Variants in PDE1C observed in about 807,000 individuals in gnomAD.
The protein encoded by PDE1C is dual specificity calcium/calmodulin-dependent 3',5'-cyclic nucleotide phosphodiesterase 1C.
In PDE1C, 62 loss-of-function variants were observed where a neutral mutation model predicts 93.1. The ratio of observed to expected loss-of-function variants is 0.67; its 90% confidence interval spans 0.54 to 0.82. The LOEUF (loss-of-function observed/expected upper bound fraction) is 0.82. PDE1C is among the 40% of genes least tolerant of loss of function. PDE1C has a pLI of 0.00. For synonymous variants in PDE1C, 325 were observed against 310.1 expected, an observed-to-expected ratio of 1.05 and a Z score of -0.50; for missense variants, 742 against 884.6, an observed-to-expected ratio of 0.84 and a Z score of 2.04.
the PDE1C span, among the ~76,000 whole-genome samples, chr7:31,715,152 C>A: frequency 2.0e-4 from 31 of 152,040 alleles, no homozygotes; most frequent in African/African-American, 6.8e-4. Context: ...CAATTGTAAT[C>A]ATTTGTGGAA....
chr7:32,250,048 C>A (rs10271047), intron 1 of PDE1C, among the ~76,000 whole-genome samples: 20,971 of 152,160 alleles, frequency 0.14, 1,727 homozygotes, highest in African/African-American at 0.21. Flanking sequence ...GCCACTCCAC[C>A]ATATGCAGAG....
intron 14 of PDE1C, chr7:31,820,797 C>T (rs1307196499): frequency 2.0e-5 from 3 of 152,062 alleles, no homozygotes; most frequent in Admixed American, 6.6e-5. Flanking sequence ...TTTTCACCAC[C>T]ACCTTAACTT....
the PDE1C span, among the ~76,000 whole-genome samples, chr7:31,743,918 C>T: frequency 7.2e-5 from 11 of 152,062 alleles, no homozygotes; most frequent in Non-Finnish European, 1.0e-4. Context: ...TATCTCCAGG[C>T]TCAAGTGGGC....
chr7:32,033,307 T>C (rs1410639077), intron 2 of PDE1C, among the ~76,000 whole-genome samples: 1 of 152,080 alleles, frequency 6.6e-6, no homozygotes, highest in African/African-American at 2.4e-5. Context: ...TACAGCTTAA[T>C]CTTCCTCACC....
At chr7:32,316,123 T>C (rs1444934575) in intron 1 of PDE1C, among the ~76,000 whole-genome samples, 1 of 152,248 alleles carries the variant, frequency 6.6e-6, no homozygotes, top group Non-Finnish European at 1.5e-5. Context: ...GTGTCCGTTT[T>C]GACCATTGAT....
chr7:31,913,437 T>C (rs1355359474), intron 2 of PDE1C, among the ~76,000 whole-genome samples: 2 of 151,760 alleles, frequency 1.3e-5, no homozygotes, highest in South Asian at 2.1e-4. Flanking sequence ...ATGAATTGTG[T>C]CCTATTTGGG....
At chr7:31,934,027 A>T (rs1425094548) in intron 2 of PDE1C, among the ~76,000 whole-genome samples, 1 of 152,224 alleles carries the variant, frequency 6.6e-6, no homozygotes, top group Non-Finnish European at 1.5e-5. Context: ...AACATGCGCT[A>T]TTCCACTTCA....
chr7:32,007,992 ATGT>A (rs1786511773), intron 2 of PDE1C, among the ~76,000 whole-genome samples: 2 of 152,234 alleles, frequency 1.3e-5, no homozygotes, highest in African/African-American at 4.8e-5. Context: ...AGTGGTAAAA[ATGT>A]TTATCTACAA....
At chr7:32,039,367 AG>A (rs1249337494) in intron 2 of PDE1C, among the ~76,000 whole-genome samples, 1 of 152,222 alleles carries the variant, frequency 6.6e-6, no homozygotes, top group Non-Finnish European at 1.5e-5. Context: ...CACATCTCAC[AG>A]TCCATATTGC....
In PDE1C at chr7:32,336,996, T is replaced by A. The variant is rs573517143; in HGVS notation, c.310+90826A>T. The stretch of plus-strand genomic sequence containing the variant: ...GAGTCATCTTACACCCCGCCCTCCC[T>A]CATCCCCAGACATTCAGATTCACGG... On this transcript the variant is annotated intron_variant, in intron 1 of 1. Coordinates refer to the PDE1C transcript ENST00000672256. Among the ~76,000 whole-genome samples the A allele has an allele frequency of 1.4e-3, 206 of 151,998 alleles. 6 individuals are homozygous for A. In the South Asian group the frequency reaches 0.039, roughly 28 times the overall value.
At chr7:31,996,064 C>CGG (rs1563161980) in intron 2 of PDE1C, among the ~76,000 whole-genome samples, 1 of 120,150 alleles carries the variant, frequency 8.3e-6, no homozygotes, top group African/African-American at 3.4e-5. Flanking sequence ...TTTACGCTTC[C>CGG]GGACACACAC....
At chr7:32,019,150 TAAAAAAAAAAAAA>T (rs75146295) in intron 2 of PDE1C, among the ~76,000 whole-genome samples, 1 of 118,842 alleles carries the variant, frequency 8.4e-6, no homozygotes, top group South Asian at 2.7e-4. Flanking sequence ...TATGTTGTTT[TAAAAAAAAAAAAA>T]AAAAAAAAGC....
intron 3 of PDE1C, among the ~76,000 whole-genome samples, chr7:32,097,215 C>G (rs1352811682): frequency 6.6e-6 from 1 of 152,204 alleles, no homozygotes; most frequent in Non-Finnish European, 1.5e-5. Context: ...TTAATCTCAT[C>G]CAGAAACACC....
chr7:32,190,710 G>A (rs970503080), intron 2 of PDE1C, among the ~76,000 whole-genome samples: 6 of 152,170 alleles, frequency 3.9e-5, no homozygotes, highest in Non-Finnish European at 7.3e-5. Context: ...TGGTGGGGCA[G>A]TTTCTGCTTT....
intron 1 of PDE1C, among the ~76,000 whole-genome samples, chr7:32,374,264 AAAG>A (rs1784391150): frequency 8.0e-6 from 1 of 124,926 alleles, no homozygotes; most frequent in South Asian, 2.5e-4. Context: ...AGGAAGAAAG[AAAG>A]AAAGAAAGAA....
At chr7:32,220,711 G>C (rs569605175) in intron 1 of PDE1C, among the ~76,000 whole-genome samples, 1 of 152,150 alleles carries the variant, frequency 6.6e-6, no homozygotes, top group Admixed American at 6.5e-5. Flanking sequence ...CCAGCTACTC[G>C]GGAGGCTGAG....
rs537002843 is a variant in PDE1C at position 31,943,963 on chromosome 7, GC to G, written c.129-63104del. ...TAAGACAAAATTCATATTTGTTGAC[GC>G]CCCTAGTCTTCACAAGTGACTTCAA... is the stretch of plus-strand genomic sequence containing the variant. On this transcript the variant is annotated intron_variant, in intron 2 of 17. Coordinates refer to ENST00000396191, the MANE Select transcript of PDE1C (RefSeq NM_001191057.4). Among the ~76,000 whole-genome samples the G allele has an allele frequency of 1.7e-3, 266 of 152,140 alleles. 1 individual carries two copies. Among genetic ancestry groups the G allele is most frequent in the African/African-American group, 6.0e-3 (248 of 41,518 alleles).
the PDE1C span, among the ~76,000 whole-genome samples, chr7:31,729,244 T>G: frequency 6.6e-6 from 1 of 152,204 alleles, no homozygotes; most frequent in South Asian, 2.1e-4. Flanking sequence ...CTTGGGCCGT[T>G]CTGGGAAATA....
At chr7:32,144,465 G>A (rs1274520742) in intron 3 of PDE1C, among the ~76,000 whole-genome samples, 2 of 152,130 alleles carry the variant, frequency 1.3e-5, no homozygotes, top group African/African-American at 4.8e-5. Context: ...CAATCATCAT[G>A]GCTGGAGGAA....
Sources: allele counts gnomAD v4.1 joint callset (sites outside exome capture counted in the v4.1 genomes callset), GRCh38; gene constraint gnomAD v4.1.1; transcripts MANE v1.5; gene names NCBI Gene and HGNC (gene_info 2026-07-23, HGNC 2026-07-21).